Variants in SULT1C3 observed in about 807,000 individuals in gnomAD.
SULT1C3 encodes sulfotransferase 1C3.
In SULT1C3, 31 loss-of-function variants were observed where a neutral mutation model predicts 28.4. The ratio of observed to expected loss-of-function variants is 1.09; its 90% CI spans 0.82 to 1.47. SULT1C3 has a LOEUF of 1.47. Among genes scored for constraint, SULT1C3 ranks in the 40% most tolerant of loss-of-function variants. SULT1C3 has a pLI of 0.00. For synonymous variants in SULT1C3, 106 were observed against 92.2 expected, an observed-to-expected ratio of 1.15 and a Z score of -0.86; for missense variants, 307 against 272.5, an observed-to-expected ratio of 1.13 and a Z score of -0.89.
intron 4 of SULT1C3, among the ~76,000 whole-genome samples, chr2:108,254,978 G>A (rs138625758): frequency 1.8e-4 from 27 of 151,922 alleles, no homozygotes; most frequent in East Asian, 1.6e-3. Context: ...TGACCCACTC[G>A]TGTACTAAGC....
At chr2:108,244,524 A>G (rs1428941086) in intron 1 of SULT1C3, among the ~76,000 whole-genome samples, 1 of 152,044 alleles carries the variant, frequency 6.6e-6, no homozygotes, top group Non-Finnish European at 1.5e-5. Flanking sequence ...TTGGCACACT[A>G]TAGGAGACAT....
chr2:108,265,043 T>G, downstream of SULT1C3: 1 of 1,569,148 alleles, frequency 6.4e-7, no homozygotes, highest in Non-Finnish European at 8.6e-7. Context: ...CAAATGGAAC[T>G]CTGTGGTCCC....
chr2:108,242,063 G>C (rs918334229), intron 1 of SULT1C3, among the ~76,000 whole-genome samples: 8 of 152,046 alleles, frequency 5.3e-5, no homozygotes, highest in African/African-American at 1.4e-4. Flanking sequence ...TGTGTCCCAG[G>C]CCTTACTTAT....
At chr2:108,256,983 CTTCTT>C (rs767979764) in intron 5 of SULT1C3, among the ~76,000 whole-genome samples, 3 of 151,990 alleles carry the variant, frequency 2.0e-5, no homozygotes, top group Non-Finnish European at 4.4e-5. Context: ...AGGATCCAAG[CTTCTT>C]TTCTTATATG....
intron 1 of SULT1C3, among the ~76,000 whole-genome samples, chr2:108,242,731 C>T (rs2378099): frequency 0.7 from 107,086 of 152,002 alleles, 38,387 homozygotes; most frequent in East Asian, 0.83. Flanking sequence ...ATTTTGGGGG[C>T]TTCGTGGGAA....
chr2:108,265,111 C>A, downstream of SULT1C3: 1 of 1,464,580 alleles, frequency 6.8e-7, no homozygotes, highest in Non-Finnish European at 9.3e-7. Context: ...TTCTTTCCAG[C>A]AGCACCACTG....
downstream of SULT1C3, among the ~76,000 whole-genome samples, chr2:108,263,881 A>C (rs1448678947): frequency 6.6e-6 from 1 of 152,210 alleles, no homozygotes; most frequent in African/African-American, 2.4e-5. Flanking sequence ...AGGAAATAGC[A>C]CATGCTTTAT....
intron 1 of SULT1C3, among the ~76,000 whole-genome samples, chr2:108,246,636 A>T (rs1479026928): frequency 6.6e-6 from 1 of 152,130 alleles, no homozygotes; most frequent in Non-Finnish European, 1.5e-5. Flanking sequence ...TTCAAAAATT[A>T]TTCCATGAAT....
rs546325995 is a variant in SULT1C3, at chr2:108,250,609, A to T, written c.173-1756A>T. 2.0e-5 allele frequency among the ~76,000 whole-genome samples: 3 copies of T among 152,030 alleles called. No homozygotes were observed. The East Asian group carries it at 5.8e-4, about 29-fold the overall frequency. ...TATAAAAACTTGTACACAACACTAT[A>T]GCAGACTTATTCAAAATTAGCCCAA... On this transcript the variant is annotated intron_variant, in intron 2 of 7. Coordinates refer to ENST00000681802, the MANE Select transcript of SULT1C3 (RefSeq NM_001320878.2).
downstream of SULT1C3, among the ~76,000 whole-genome samples, chr2:108,262,260 C>T (rs920638842): frequency 6.6e-6 from 1 of 152,094 alleles, no homozygotes; most frequent in Non-Finnish European, 1.5e-5. Context: ...TTAGAAAGCT[C>T]GGGCCCCAGG....
At position 108,252,463 on chromosome 2, in the gene SULT1C3, G is replaced by A; in HGVS notation, c.271G>A (p.Glu91Lys). The change falls in exon 3 of 8, where the codon GAA becomes AAA. Residue 91 changes from glutamate (E) to lysine (K), a missense_variant. Physicochemically the swap from Glu to Lys is moderately conservative, Grantham distance 56. Transcript: ENST00000681802. ...AQTLDRHAFLELKFPHKEKPD... is the reference protein window; with the variant it reads ...AQTLDRHAFLKLKFPHKEKPD... ...GACTCTAGATAGACACGCTTTCCTT[G>A]AACTGAAATTTCCCCATAAAGAAAA... The A allele has an allele frequency of 6.2e-7, 1 of 1,612,318 alleles. No homozygotes were observed. The highest frequency in any genetic ancestry group is 1.3e-5 in the African/African-American group (1 of 74,928).
chr2:108,253,132 CTAA>C (rs1271006125), intron 3 of SULT1C3, among the ~76,000 whole-genome samples: 1 of 151,972 alleles, frequency 6.6e-6, no homozygotes, highest in Admixed American at 6.6e-5. Flanking sequence ...TCCTGAAAGT[CTAA>C]AAGCTGAGAG....
downstream of SULT1C3, among the ~76,000 whole-genome samples, chr2:108,263,016 T>G (rs1405323455): frequency 2.0e-5 from 3 of 152,222 alleles, no homozygotes; most frequent in Non-Finnish European, 2.9e-5. Flanking sequence ...TATTTTAATT[T>G]ATAACTAAGA....
intron 1 of SULT1C3, among the ~76,000 whole-genome samples, chr2:108,245,708 A>G (rs1675562786): frequency 6.6e-6 from 1 of 152,122 alleles, no homozygotes; most frequent in South Asian, 2.1e-4. Context: ...GTGATAGGAG[A>G]GGCTGCCATG....
chr2:108,252,602 C>A, intron 3 of SULT1C3, 109 bp downstream of exon 3: 1 of 1,306,360 alleles, frequency 7.7e-7, no homozygotes, highest in Non-Finnish European at 1.0e-6. Flanking sequence ...CTGTATCTTT[C>A]ATGAGGTCTA....
At chr2:108,254,829 A>ATGTATATATGTATGTATG (rs1558664990) in intron 4 of SULT1C3, among the ~76,000 whole-genome samples, 46 of 150,638 alleles carry the variant, frequency 3.1e-4, no homozygotes, top group Non-Finnish European at 5.9e-4. Context: ...GTATATATAC[A>ATGTATATATGTATGTATG]CATATATATG....
chr2:108,241,621 T>C lies in SULT1C3; in HGVS notation c.-8+1538T>C, dbSNP rs549402063. On this transcript the variant is annotated intron_variant, in intron 1 of 7. Coordinates refer to ENST00000681802, the MANE Select transcript of SULT1C3 (RefSeq NM_001320878.2). ...TCTGTGAATGACAAAATTTCCCGGA[T>C]AGTTACAGTTAAAAACATGACTGGG... Among the ~76,000 whole-genome samples the C allele has an allele frequency of 3.9e-5, 6 of 152,286 alleles. No individual in the cohort carries two copies. The South Asian group carries it at 1.0e-3, about 26-fold the overall frequency.
At chr2:108,251,413 G>T (rs1379028722) in intron 2 of SULT1C3, among the ~76,000 whole-genome samples, 1 of 151,952 alleles carries the variant, frequency 6.6e-6, no homozygotes, top group Admixed American at 6.6e-5. Flanking sequence ...ATGGAAATAT[G>T]GGCCTTTACA....
chr2:108,255,579 A>G lies in SULT1C3; in HGVS notation c.407A>G (p.Tyr136Cys), dbSNP rs1477606303. The change falls in exon 5 of 8, where the codon TAT becomes TGT. Residue 136 changes from tyrosine to cysteine, a missense_variant. By Grantham distance (194) the Tyr-to-Cys change is radical. Transcript: ENST00000681802. ...SIWKENCKIV[Y>C]VARNPKDCLV... Reference sequence around the variant, plus strand: ...CCCTCTCCTTGATTTCAGATTGTCTATGTGGCCAGAAATCCCAAGGATTGC... The same window carrying G: ...CCCTCTCCTTGATTTCAGATTGTCTGTGTGGCCAGAAATCCCAAGGATTGC... The G allele has an allele frequency of 6.2e-7, 1 of 1,611,152 alleles. No homozygotes were observed.
Sources: gnomAD v4.1 joint callset for allele counts (sites outside exome capture counted in the v4.1 genomes callset) on GRCh38, gnomAD v4.1.1 for gene constraint, MANE v1.5 for transcripts, NCBI Gene and HGNC (gene_info 2026-07-23, HGNC 2026-07-21) for gene names.